FASLG: variants seen among roughly 807,000 people sequenced by gnomAD.
FASLG encodes tumor necrosis factor ligand superfamily member 6.
Under a neutral mutation model 24.6 loss-of-function variants are expected in FASLG, and 9 were observed. The ratio of observed to expected loss-of-function variants is 0.37; its 90% CI spans 0.22 to 0.64. The LOEUF is 0.64. Among genes scored for constraint, FASLG ranks in the 30% least tolerant of loss-of-function variants. FASLG has a pLI of 0.64. For missense variants in FASLG, 306 were observed against 345.3 expected (o/e 0.89, Z 0.90); for synonymous variants, 130 against 135.5 (o/e 0.96, Z 0.28).
rs985808934 is a variant in FASLG at position 172,666,367 on chromosome 1, G to T, written c.*351G>T. On this transcript the variant is annotated 3_prime_UTR_variant, in exon 4 of 4. Transcript: ENST00000367721. ...TAACTCACCTCTCAAGGTGGGCCTTGCTACCTCAAGGGGGACTGTCTTTCA... is the reference window on the plus strand; with the variant it reads ...TAACTCACCTCTCAAGGTGGGCCTTTCTACCTCAAGGGGGACTGTCTTTCA... The T allele has an allele frequency of 1.6e-5, 4 of 245,932 alleles. 1 individual carries two copies. The highest frequency in any genetic ancestry group is 4.7e-5 in the Admixed American group (1 of 21,096). The allele number at this position is 245,932 out of a possible 1,614,324, so 15.2% of individuals were successfully genotyped here.
chr1:172,664,916 A>G (rs1266916641), intron 3 of FASLG, among the ~76,000 whole-genome samples: 3 of 152,224 alleles, frequency 2.0e-5, no homozygotes, highest in Admixed American at 6.5e-5. Context: ...AATGGAATAA[A>G]TATCACAGAA....
Position 172,666,122 on chromosome 1 carries a change from A to G in FASLG, c.*106A>G. The G allele has an allele frequency of 7.1e-7, 1 of 1,406,834 alleles. No individual in the cohort carries two copies. Among genetic ancestry groups the G allele is most frequent in the Non-Finnish European group, 9.9e-7 (1 of 1,014,964 alleles). 87.1% of individuals were successfully genotyped at this position (1,406,834 alleles called of 1,614,324 possible). ...CATGCATTTGAGGTCAAGTAAGAAGACATGAACCAAGTGGACCTTGAGACC... is the reference window on the plus strand; with the variant it reads ...CATGCATTTGAGGTCAAGTAAGAAGGCATGAACCAAGTGGACCTTGAGACC... On this transcript the variant is annotated 3_prime_UTR_variant, in exon 4 of 4. Coordinates refer to ENST00000367721, the MANE Select transcript of FASLG (RefSeq NM_000639.3).
chr1:172,665,022 A>G (rs1186109621), intron 3 of FASLG, among the ~76,000 whole-genome samples: 4 of 152,218 alleles, frequency 2.6e-5, no homozygotes, highest in Admixed American at 6.5e-5. Context: ...CTGTGTGCCA[A>G]TTTGGGGATG....
intron 3 of FASLG, among the ~76,000 whole-genome samples, chr1:172,664,798 G>A (rs1659222758): frequency 6.6e-6 from 1 of 152,196 alleles, no homozygotes; most frequent in African/African-American, 2.4e-5. Flanking sequence ...AGTATAAATA[G>A]GAGTGAGAAG....
chr1:172,664,564 C>A (rs1437411422), intron 3 of FASLG, among the ~76,000 whole-genome samples, 174 bp downstream of exon 3: 1 of 152,208 alleles, frequency 6.6e-6, no homozygotes, highest in African/African-American at 2.4e-5. Context: ...ACACTTTGAT[C>A]CCCTATTCTC....
chr1:172,660,953 G>C (rs1191022713), intron 2 of FASLG, among the ~76,000 whole-genome samples: 1 of 152,202 alleles, frequency 6.6e-6, no homozygotes, highest in African/African-American at 2.4e-5. Context: ...TTTAGAGGTG[G>C]AAGGAAGCTT....
intron 2 of FASLG, among the ~76,000 whole-genome samples, chr1:172,661,689 A>C (rs933344262): frequency 5.3e-5 from 8 of 152,182 alleles, no homozygotes; most frequent in Non-Finnish European, 8.8e-5. Context: ...ATGGAAATCA[A>C]ATCAGTAACT....
rs1402992342 is a variant in FASLG at position 172,659,294 on chromosome 1, C to T, written c.93C>T (p.Pro31=). 6.2e-7 allele frequency: 1 copy of T among 1,614,134 alleles called. No individual in the cohort carries two copies. The highest frequency in any genetic ancestry group is 1.1e-5 in the South Asian group (1 of 91,082). ...SPWAPPGTVL[P]CPTSVPRRPG... ...GGGCCCCTCCAGGCACAGTTCTTCC[C>T]TGTCCAACCTCTGTGCCCAGAAGGC... The change falls in exon 1 of 4, where the codon CCC becomes CCT. Residue 31 remains proline, a synonymous_variant. Coordinates refer to ENST00000367721, the MANE Select transcript of FASLG (RefSeq NM_000639.3).
rs1449568611 is a variant in FASLG at position 172,666,241 on chromosome 1, C to G, written c.*225C>G. ...TGACGGAAGAACATAGAACTCTGGG[C>G]TGCCATGTGAAGAGGGAGAAGCATG... On this transcript the variant is annotated 3_prime_UTR_variant, in exon 4 of 4. Coordinates refer to ENST00000367721, the MANE Select transcript of FASLG (RefSeq NM_000639.3). The G allele has an allele frequency of 1.7e-6, 1 of 574,410 alleles. No homozygotes were observed. Among genetic ancestry groups the G allele is most frequent in the Non-Finnish European group, 3.1e-6 (1 of 325,416 alleles). The allele number at this position is 574,410 out of a possible 1,614,324, so 35.6% of individuals were successfully genotyped here. A position where few individuals can be genotyped will look rare whatever the true frequency, so the allele number is the denominator to read the frequency against.
chr1:172,665,376 T>C (rs1286811283), intron 3 of FASLG, among the ~76,000 whole-genome samples: 3 of 152,234 alleles, frequency 2.0e-5, no homozygotes, highest in Admixed American at 1.3e-4. Context: ...ATTTTCTCAA[T>C]AATTTCTTAC....
At chr1:172,660,789 G>A (rs1659120976) in intron 2 of FASLG, among the ~76,000 whole-genome samples, 1 of 152,218 alleles carries the variant, frequency 6.6e-6, no homozygotes, top group South Asian at 2.1e-4. Context: ...TTGTATGGGA[G>A]CTAGGGCAAG....
Position 172,659,336 on chromosome 1 carries a change from A to G in FASLG, c.135A>G (p.Pro45=), listed in dbSNP as rs1029091316. ...CCAGAAGGCCTGGTCAAAGGAGGCC[A>G]CCACCACCACCGCCACCGCCACCAC... ...SVPRRPGQRR[P]PPPPPPPPLP... is the part of the protein sequence containing the mutation. The change falls in exon 1 of 4, where the codon CCA becomes CCG. Residue 45 remains proline (P), a synonymous_variant. Transcript: ENST00000367721. 5 of 1,610,338 alleles carry G rather than the reference A, an allele frequency of 3.1e-6. No individual in the cohort carries two copies. The African/African-American group carries it at 6.7e-5, about 22-fold the overall frequency.
At chr1:172,663,729 ATGAGGTGAT>A (rs1451633612) in intron 2 of FASLG, among the ~76,000 whole-genome samples, 12 of 152,288 alleles carry the variant, frequency 7.9e-5, no homozygotes, top group African/African-American at 2.9e-4. Flanking sequence ...ACTCAGTGAT[ATGAGGTGAT>A]TGTCAGAGGT....
rs1288124756 is a variant in FASLG, at chr1:172,665,529, G to A, written c.452-93G>A. 5 of 1,441,914 alleles carry A rather than the reference G, an allele frequency of 3.5e-6. No homozygotes were observed. In the Admixed American group the frequency reaches 8.6e-5, roughly 25 times the overall value. The allele number at this position is 1,441,914 out of a possible 1,614,324, so 89.3% of individuals were successfully genotyped here. A position where few individuals can be genotyped will look rare whatever the true frequency, so the allele number is the denominator to read the frequency against. On this transcript the variant is annotated intron_variant, in intron 3 of 3. Transcript: ENST00000367721. ...AGCTGTCATTCTGGGTGAAACATTT[G>A]TTGAAGGAAGGGCCCACAGTTTTGC...
intron 3 of FASLG, among the ~76,000 whole-genome samples, chr1:172,664,803 G>A (rs1275969059): frequency 6.6e-6 from 1 of 152,222 alleles, no homozygotes; most frequent in Non-Finnish European, 1.5e-5. Flanking sequence ...AAATAGGAGT[G>A]AGAAGGGAGA....
intron 1 of FASLG, 118 bp from the exon 2 acceptor site, chr1:172,659,974 TAGC>T (rs760081633): frequency 4.2e-5 from 46 of 1,084,544 alleles, no homozygotes; most frequent in Non-Finnish European, 6.0e-5. Flanking sequence ...AAGCCCAAGT[TAGC>T]AGAACTTCTG....
rs1659265656 is a variant in FASLG, at chr1:172,666,323, G to A, written c.*307G>A. On this transcript the variant is annotated 3_prime_UTR_variant, in exon 4 of 4. Transcript: ENST00000367721. Reference sequence around the variant, plus strand: ...CTTAGTGCCTGAGAGTATTTAGGCAGATTGAAAAGGACACCTTTTAACTCA... The same window carrying A: ...CTTAGTGCCTGAGAGTATTTAGGCAAATTGAAAAGGACACCTTTTAACTCA... 5.7e-6 allele frequency: 2 copies of A among 348,644 alleles called. No homozygotes were observed. The highest frequency in any genetic ancestry group is 3.9e-5 in the South Asian group (1 of 25,782). The allele number at this position is 348,644 out of a possible 1,614,324, so 21.6% of individuals were successfully genotyped here.
chr1:172,665,585 T>G, intron 3 of FASLG, 37 bp from the exon 4 acceptor site: 1 of 1,605,542 alleles, frequency 6.2e-7, no homozygotes, highest in Non-Finnish European at 8.5e-7. Context: ...GATGCATGAC[T>G]ATTCCTTGTT....
Position 172,665,762 on chromosome 1 carries a change from C to T in FASLG, c.592C>T (p.Arg198Trp), listed in dbSNP as rs1205013237. ...CTTTGTATATTCCAAAGTATACTTC[C>T]GGGGTCAATCTTGCAACAACCTGCC... Reference protein sequence around the residue: ...LYFVYSKVYFRGQSCNNLPLS... With the variant: ...LYFVYSKVYFWGQSCNNLPLS... The change falls in exon 4 of 4, where the codon CGG (arginine) becomes TGG (tryptophan). Residue 198 changes from arginine (R) to tryptophan (W), a missense_variant. Coordinates refer to ENST00000367721, the MANE Select transcript of FASLG (RefSeq NM_000639.3). 1.9e-6 allele frequency: 3 copies of T among 1,613,942 alleles called. No individual in the cohort carries two copies. The highest frequency in any genetic ancestry group is 1.3e-5 in the African/African-American group (1 of 74,872).
Sources: gnomAD v4.1 joint callset for allele counts (sites outside exome capture counted in the v4.1 genomes callset) on GRCh38, gnomAD v4.1.1 for gene constraint, MANE v1.5 for transcripts, NCBI Gene and HGNC (gene_info 2026-07-23, HGNC 2026-07-21) for gene names.